DPYSL2: variants seen among roughly 807,000 people sequenced by gnomAD.
DPYSL2 encodes the protein dihydropyrimidinase like 2.
Under a neutral mutation model 69.9 loss-of-function variants are expected in DPYSL2, and 13 were observed. The ratio of observed to expected loss-of-function variants is 0.19; its 90% CI spans 0.12 to 0.30. The LOEUF is 0.30. DPYSL2 is among the 10% of genes least tolerant of loss of function. The pLI, the probability that DPYSL2 is intolerant of heterozygous loss-of-function variation, is 1.00. For missense variants in DPYSL2, 587 were observed against 918.9 expected (o/e 0.64, Z 4.67); for synonymous variants, 326 against 359.1 (o/e 0.91, Z 1.04).
At chr8:26,520,642 A>C (rs901497760) in intron 1 of DPYSL2, among the ~76,000 whole-genome samples, 2 of 152,242 alleles carry the variant, frequency 1.3e-5, no homozygotes, top group Non-Finnish European at 2.9e-5. Context: ...TATGAATGAC[A>C]TGCTTTTCTA....
At chr8:26,577,880 C>T in intron 1 of DPYSL2, 3 of 1,115,150 alleles carry the variant, frequency 2.7e-6, no homozygotes, top group Non-Finnish European at 3.3e-6. Context: ...ATGGCTTTTG[C>T]CTGAGAGGAA....
chr8:26,605,387 G>A lies in DPYSL2; in HGVS notation c.629-18756G>A, dbSNP rs1802085985. 6.6e-6 allele frequency among the ~76,000 whole-genome samples: 1 copy of A among 152,096 alleles called. No individual in the cohort carries two copies. Among genetic ancestry groups the A allele is most frequent in the African/African-American group, 2.4e-5 (1 of 41,406 alleles). Reference sequence around the variant, plus strand: ...TGCAACCTCCAGCTCCCGGGTTCAAGTGATTCTCTTGCCTCAGCCTCTCAA... The same window carrying A: ...TGCAACCTCCAGCTCCCGGGTTCAAATGATTCTCTTGCCTCAGCCTCTCAA... On this transcript the variant is annotated intron_variant, in intron 3 of 13. Coordinates refer to ENST00000521913, the MANE Select transcript of DPYSL2 (RefSeq NM_001197293.3). The surrounding 1 kb of genome is among the most constrained non-coding windows in gnomAD (Gnocchi z 4.1).
rs747803231 is a variant in DPYSL2, at chr8:26,598,825, C to T, written c.628+14842C>T. ...TGCAATCTTTCTTTCATTTTGCAGG[C>T]GGTGGGGGTGGGGGAATGAAAGCCC... On this transcript the variant is annotated intron_variant, in intron 3 of 13. Coordinates refer to ENST00000521913, the MANE Select transcript of DPYSL2 (RefSeq NM_001197293.3). The surrounding 1 kb of genome is among the most constrained non-coding windows in gnomAD (Gnocchi z 4.2). 5.8e-5 allele frequency among the ~76,000 whole-genome samples: 8 copies of T among 138,750 alleles called. No homozygotes were observed. Among genetic ancestry groups the T allele is most frequent in the Non-Finnish European group, 1.1e-4 (7 of 65,060 alleles). 91.0% of individuals were successfully genotyped at this position (138,750 alleles called of 152,430 possible).
At chr8:26,573,666 C>CAAA (rs11437407) in intron 1 of DPYSL2, among the ~76,000 whole-genome samples, 12 of 95,082 alleles carry the variant, frequency 1.3e-4, no homozygotes, top group East Asian at 3.1e-4. Flanking sequence ...AAGACTGTCT[C>CAAA]AAAAAAAAAA....
chr8:26,576,431 G>C lies in DPYSL2; in HGVS notation c.355-5538G>C, dbSNP rs188880557. Among the ~76,000 whole-genome samples, 15 of 151,260 alleles carry C rather than the reference G, an allele frequency of 9.9e-5. No individual in the cohort carries two copies. The East Asian group carries it at 3.0e-3, about 30-fold the overall frequency. ...GTATCCTTCGACCTCAAGCAGAGAA[G>C]CCCGAGCGCTACGAGGGCTGGTCCA... On this transcript the variant is annotated intron_variant, in intron 1 of 13. Coordinates refer to ENST00000521913, the MANE Select transcript of DPYSL2 (RefSeq NM_001197293.3).
chr8:26,572,656 C>A (rs980990119), intron 1 of DPYSL2, among the ~76,000 whole-genome samples: 10 of 152,106 alleles, frequency 6.6e-5, no homozygotes, highest in Admixed American at 6.5e-4. Context: ...TCCCCTACCA[C>A]GCCCAGCTAG....
intron 1 of DPYSL2, chr8:26,577,212 C>G: frequency 4.7e-6 from 2 of 422,062 alleles, no homozygotes; most frequent in South Asian, 1.6e-5. Context: ...TCTGCAGCCT[C>G]CCCCCGGCCC....
At chr8:26,594,356 A>G (rs1801811343) in intron 3 of DPYSL2, among the ~76,000 whole-genome samples, 1 of 152,018 alleles carries the variant, frequency 6.6e-6, no homozygotes, top group Non-Finnish European at 1.5e-5. Context: ...CTATCTATCT[A>G]TTAATATATA....
Position 26,572,781 on chromosome 8 carries a change from G to A in DPYSL2, c.355-9188G>A, listed in dbSNP as rs1481714730. ...TCCCAGGTGTTGGGATTACAGGCAT[G>A]AGCTACTGCGCCTGGTCAGGAATGA... is the stretch of plus-strand genomic sequence containing the variant. On this transcript the variant is annotated intron_variant, in intron 1 of 13. Coordinates refer to ENST00000521913, the MANE Select transcript of DPYSL2 (RefSeq NM_001197293.3). 2.0e-5 allele frequency among the ~76,000 whole-genome samples: 3 copies of A among 152,174 alleles called. No homozygotes were observed. The East Asian group carries it at 5.8e-4, about 29-fold the overall frequency.
At chr8:26,543,803 A>G (rs1267859218) in intron 1 of DPYSL2, among the ~76,000 whole-genome samples, 1 of 152,088 alleles carries the variant, frequency 6.6e-6, no homozygotes, top group Non-Finnish European at 1.5e-5. Flanking sequence ...TCTACTTTTT[A>G]TCATACATTG....
intron 3 of DPYSL2, among the ~76,000 whole-genome samples, chr8:26,601,287 A>G (rs991607059): frequency 6.6e-6 from 1 of 152,136 alleles, no homozygotes; most frequent in Non-Finnish European, 1.5e-5. Flanking sequence ...ATGAGGCTGA[A>G]TGAGGACTCA....
chr8:26,551,881 A>G (rs141343413), intron 1 of DPYSL2, among the ~76,000 whole-genome samples: 2,521 of 152,298 alleles, frequency 0.017, 28 homozygotes, highest in South Asian at 0.054. Flanking sequence ...TGGCATAATC[A>G]TAGCTTATGG....
intron 1 of DPYSL2, among the ~76,000 whole-genome samples, chr8:26,553,351 A>T (rs946957427): frequency 9.3e-6 from 1 of 107,780 alleles, no homozygotes; most frequent in African/African-American, 3.2e-5. Context: ...CCCAATACTT[A>T]TTTTTTTCTG....
At position 26,562,544 on chromosome 8, in the gene DPYSL2, C is replaced by A. The variant is rs10503787; in HGVS notation, c.355-19425C>A. ...AGTATTGGTCAGATTTTGTTGTTCC[C>A]GATTAGAATGCTTAAATGGTTTCGT... On this transcript the variant is annotated intron_variant, in intron 1 of 13. Transcript: ENST00000521913. This position sits in a 1 kb window ranked among gnomAD's most constrained non-coding sequence, Gnocchi z 4.9. Among the ~76,000 whole-genome samples, 10,761 of 152,126 alleles carry A rather than the reference C, an allele frequency of 0.071. 452 individuals are homozygous for A. The highest frequency in any genetic ancestry group is 0.22 in the South Asian group (1,041 of 4,812).
chr8:26,637,159 C>T (rs1227146399), intron 8 of DPYSL2, among the ~76,000 whole-genome samples: 1 of 152,190 alleles, frequency 6.6e-6, no homozygotes, highest in Non-Finnish European at 1.5e-5. Flanking sequence ...TGTGCCCACA[C>T]CATGGTTCCC....
intron 1 of DPYSL2, among the ~76,000 whole-genome samples, chr8:26,534,936 ATCTTGTATTTTATCTAGCT>A (rs1200954547): frequency 1.3e-5 from 2 of 152,138 alleles, no homozygotes; most frequent in African/African-American, 4.8e-5. Flanking sequence ...ACCATCCCAA[ATCTTGTATTTTATCTAGCT>A]ACAGCATTTC....
At position 26,643,712 on chromosome 8, in the gene DPYSL2, T is replaced by C; in HGVS notation, c.1283+117T>C. ...AGCCATAAAACTGGGAGACCCTTGT[T>C]CACCAAACTAGGTTGGCTACATGAG... On this transcript the variant is annotated intron_variant, in intron 9 of 13. Transcript: ENST00000521913. The surrounding 1 kb of genome is among the most constrained non-coding windows in gnomAD (Gnocchi z 6.5). The C allele has an allele frequency of 6.8e-7, 1 of 1,460,792 alleles. No homozygotes were observed. Among genetic ancestry groups the C allele is most frequent in the Non-Finnish European group, 9.4e-7 (1 of 1,059,996 alleles). 90.5% of individuals were successfully genotyped at this position (1,460,792 alleles called of 1,614,324 possible).
At position 26,656,544 on chromosome 8, in the gene DPYSL2, C is replaced by A. The variant is rs1301548797; in HGVS notation, c.*838C>A. On this transcript the variant is annotated 3_prime_UTR_variant, in exon 14 of 14. Transcript: ENST00000521913. Reference sequence around the variant, plus strand: ...TCTGTCTCTCTCTCTCTCTGTGTTTCCTCCAGCCCTTGTCTCGGAGACGGT... The same window carrying A: ...TCTGTCTCTCTCTCTCTCTGTGTTTACTCCAGCCCTTGTCTCGGAGACGGT... 1 of 152,368 alleles carries A rather than the reference C, an allele frequency of 6.6e-6. No homozygotes were observed. Among genetic ancestry groups the A allele is most frequent in the African/African-American group, 2.4e-5 (1 of 41,260 alleles). The allele number at this position is 152,368 out of a possible 1,614,324, so 9.4% of individuals were successfully genotyped here. A position where few individuals can be genotyped will look rare whatever the true frequency, so the allele number is the denominator to read the frequency against.
intron 1 of DPYSL2, among the ~76,000 whole-genome samples, chr8:26,538,364 G>C (rs1160091760): frequency 6.6e-6 from 1 of 152,134 alleles, no homozygotes; most frequent in Non-Finnish European, 1.5e-5. Flanking sequence ...TGAAAACTGA[G>C]GATGACCACA....
Sources: allele counts gnomAD v4.1 joint callset (sites outside exome capture counted in the v4.1 genomes callset), GRCh38; gene constraint gnomAD v4.1.1; non-coding constraint Gnocchi (gnomAD v3.1); transcripts MANE v1.5; gene names NCBI Gene and HGNC (gene_info 2026-07-23, HGNC 2026-07-21).